The following APP variants were observed in gnomAD, a reference collection of about 807,000 sequenced individuals.
APP encodes the protein amyloid-beta precursor protein.
In APP, 31 loss-of-function variants were observed where a neutral mutation model predicts 101.4. The observed-to-expected ratio is 0.31, with a 90% CI of 0.23 to 0.41. The LOEUF is 0.41. Among genes scored for constraint, APP ranks in the 10% least tolerant of loss-of-function variants. The probability of loss-of-function intolerance (pLI) is 1.00; values close to 1 mark genes in which losing one functional copy is unlikely to be tolerated. For synonymous variants in APP, 366 were observed against 364.4 expected, an observed-to-expected ratio of 1.00 and a Z score of -0.05; for missense variants, 839 against 1,003.7, an observed-to-expected ratio of 0.84 and a Z score of 2.22.
chr21:26,069,461 G>A (rs1022197544), intron 3 of APP, among the ~76,000 whole-genome samples: 1 of 152,128 alleles, frequency 6.6e-6, no homozygotes, highest in Non-Finnish European at 1.5e-5. Context: ...GTTATCAGGG[G>A]AGGCTTCACT....
chr21:26,015,533 G>T (rs1434646861), intron 6 of APP, among the ~76,000 whole-genome samples: 2 of 152,182 alleles, frequency 1.3e-5, no homozygotes, highest in Non-Finnish European at 2.9e-5. Flanking sequence ...TACTGGGCAT[G>T]ATGGTAAGCG....
intron 5 of APP, among the ~76,000 whole-genome samples, chr21:26,033,930 A>C (rs375194940): frequency 6.6e-6 from 1 of 152,342 alleles, no homozygotes; most frequent in East Asian, 1.9e-4. Flanking sequence ...TAATGGGTTC[A>C]GCTTTGATCA....
intron 13 of APP, among the ~76,000 whole-genome samples, chr21:25,929,436 AT>A (rs2040047608): frequency 6.6e-6 from 1 of 152,016 alleles, no homozygotes; most frequent in East Asian, 1.9e-4. Flanking sequence ...TCGTCTCTTT[AT>A]CACTTTACTA....
intron 1 of APP, among the ~76,000 whole-genome samples, chr21:26,131,755 T>C (rs1028789591): frequency 1.3e-5 from 2 of 152,308 alleles, no homozygotes; most frequent in East Asian, 3.9e-4. Context: ...AAACATTATA[T>C]GTTATCTATT....
At chr21:25,891,340 T>C (rs2037683815) in intron 17 of APP, among the ~76,000 whole-genome samples, 1 of 152,224 alleles carries the variant, frequency 6.6e-6, no homozygotes, top group East Asian at 1.9e-4. Flanking sequence ...TTTAGTTTTT[T>C]TGGAAAAAGC....
rs754150568 is a variant in APP, at chr21:26,021,980, GCTT to G, written c.722_724del (p.Glu241del). 76 of 1,613,784 alleles carry G rather than the reference GCTT, an allele frequency of 4.7e-5. No individual in the cohort carries two copies. In the Middle Eastern group the frequency reaches 8.2e-4, roughly 18 times the overall value. ...ATCCTCATCGTCCTCGTCATCATCG[GCTT>G]CTTCTTCTTCCACCTCAGCCACTTC... On this transcript the variant is annotated inframe_deletion, in exon 6 of 18. Transcript: ENST00000346798.
chr21:26,118,408 GTTTTC>G (rs1388598363), intron 1 of APP, among the ~76,000 whole-genome samples: 4 of 152,088 alleles, frequency 2.6e-5, no homozygotes, highest in Non-Finnish European at 5.9e-5. Context: ...AAAGGTGAAT[GTTTTC>G]TTTTAACTTC....
chr21:25,980,327 G>A (rs1044849967), intron 9 of APP, among the ~76,000 whole-genome samples: 1 of 152,192 alleles, frequency 6.6e-6, no homozygotes, highest in Non-Finnish European at 1.5e-5. Flanking sequence ...GGCACAGGAA[G>A]CCTCTGAAAG....
At chr21:25,946,316 A>ATGTATT (rs796698948) in intron 13 of APP, among the ~76,000 whole-genome samples, 8 of 152,374 alleles carry the variant, frequency 5.3e-5, no homozygotes, top group African/African-American at 1.9e-4. Flanking sequence ...TTTCCAAATA[A>ATGTATT]TGTATTTGAT....
chr21:25,929,399 A>C (rs1346501284), intron 13 of APP, among the ~76,000 whole-genome samples: 2 of 151,808 alleles, frequency 1.3e-5, no homozygotes, highest in Non-Finnish European at 2.9e-5. Flanking sequence ...GTTTTTTTTT[A>C]ATGGTTTTAT....
At chr21:26,124,881 T>C (rs1389602432) in intron 1 of APP, among the ~76,000 whole-genome samples, 1 of 152,244 alleles carries the variant, frequency 6.6e-6, no homozygotes, top group Admixed American at 6.5e-5. Flanking sequence ...ATATTCAAAG[T>C]TGGGGACAGT....
At chr21:26,058,895 C>T (rs932496601) in intron 3 of APP, among the ~76,000 whole-genome samples, 3 of 152,012 alleles carry the variant, frequency 2.0e-5, no homozygotes, top group South Asian at 2.1e-4. Context: ...TCCTGGCTAA[C>T]ACGGTGAAAC....
At chr21:26,082,024 C>A (rs888566968) in intron 3 of APP, among the ~76,000 whole-genome samples, 14 of 152,092 alleles carry the variant, frequency 9.2e-5, no homozygotes, top group Non-Finnish European at 1.8e-4. Flanking sequence ...TTGAGACCAA[C>A]CTGGCCAACA....
intron 3 of APP, among the ~76,000 whole-genome samples, chr21:26,085,193 T>C (rs1004984796): frequency 1.3e-5 from 2 of 152,208 alleles, no homozygotes; most frequent in Non-Finnish European, 2.9e-5. Flanking sequence ...AAAGGTCCCA[T>C]GGGAAGGCCA....
chr21:26,020,632 G>T (rs1327085035), intron 6 of APP, among the ~76,000 whole-genome samples: 1 of 152,084 alleles, frequency 6.6e-6, no homozygotes, highest in Non-Finnish European at 1.5e-5. Flanking sequence ...ACCTTTATAA[G>T]TATTTGCAGT....
intron 3 of APP, among the ~76,000 whole-genome samples, chr21:26,060,782 T>G (rs1276330167): frequency 6.6e-6 from 1 of 152,156 alleles, no homozygotes; most frequent in African/African-American, 2.4e-5. Context: ...CAACAAGTAT[T>G]ACACAAAGTC....
chr21:26,009,690 A>C (rs2043700703), intron 6 of APP: 1 of 151,850 alleles, frequency 6.6e-6, no homozygotes, highest in South Asian at 2.1e-4. Context: ...CCCGGGTTCA[A>C]GCGATTCTCC....
chr21:25,939,374 A>G (rs1011780731), intron 13 of APP, among the ~76,000 whole-genome samples: 4 of 152,226 alleles, frequency 2.6e-5, no homozygotes, highest in African/African-American at 7.2e-5. Context: ...TAATTAGGGC[A>G]TTAGTTTCTT....
At chr21:25,924,781 GA>G (rs112870630) in intron 13 of APP, among the ~76,000 whole-genome samples, 7,618 of 134,948 alleles carry the variant, frequency 0.056, 453 homozygotes, top group African/African-American at 0.16. Flanking sequence ...AGTAAACAAA[GA>G]AAAAAAAAAA....
Sources: gnomAD v4.1 joint callset for allele counts (sites outside exome capture counted in the v4.1 genomes callset) on GRCh38, gnomAD v4.1.1 for gene constraint, MANE v1.5 for transcripts, NCBI Gene and HGNC (gene_info 2026-07-23, HGNC 2026-07-21) for gene names.